SPATA17: variants seen among roughly 807,000 people sequenced by gnomAD.
SPATA17 encodes the protein spermatogenesis associated 17.
SPATA17 carries 53 observed loss-of-function variants against 62.2 expected under a neutral mutation model. The ratio of observed to expected loss-of-function variants is 0.85; its 90% CI spans 0.68 to 1.07. The LOEUF (loss-of-function observed/expected upper bound fraction) is 1.07, where lower values mean the gene tolerates loss of function less well. SPATA17 is among the 50% of genes least tolerant of loss of function. The pLI is 0.00. For missense variants in SPATA17, 466 were observed against 425.5 expected, an observed-to-expected ratio of 1.10 and a Z score of -0.84; for synonymous variants, 146 against 146.8, an observed-to-expected ratio of 0.99 and a Z score of 0.04.
intron 3 of SPATA17, among the ~76,000 whole-genome samples, chr1:217,664,939 T>C (rs1670660966): frequency 6.6e-6 from 1 of 151,652 alleles, no homozygotes; most frequent in Non-Finnish European, 1.5e-5. Context: ...TAAAAAGGAA[T>C]GGTAAGACAT....
intron 3 of SPATA17, among the ~76,000 whole-genome samples, chr1:217,654,861 T>C (rs1014725693): frequency 2.6e-5 from 4 of 152,008 alleles, no homozygotes; most frequent in Non-Finnish European, 1.5e-5. Context: ...TACAGGCACG[T>C]GCCACCACGC....
intron 5 of SPATA17, among the ~76,000 whole-genome samples, chr1:217,725,576 C>T (rs1672240721): frequency 6.6e-6 from 1 of 152,142 alleles, no homozygotes; most frequent in African/African-American, 2.4e-5. Flanking sequence ...AAGTCTGGTC[C>T]CCCAGCCTCC....
chr1:217,657,069 A>C (rs187491575), intron 3 of SPATA17, among the ~76,000 whole-genome samples: 1 of 152,112 alleles, frequency 6.6e-6, no homozygotes, highest in Non-Finnish European at 1.5e-5. Flanking sequence ...ATTGTCTAAG[A>C]TGATGTGTTT....
chr1:217,775,204 T>G (rs1300399198), intron 7 of SPATA17, among the ~76,000 whole-genome samples: 1 of 152,216 alleles, frequency 6.6e-6, no homozygotes, highest in Non-Finnish European at 1.5e-5. Flanking sequence ...AATCTTTTTA[T>G]GTGCCTATTG....
intron 5 of SPATA17, among the ~76,000 whole-genome samples, chr1:217,721,776 A>G (rs1672133215): frequency 6.6e-6 from 1 of 151,988 alleles, no homozygotes. Context: ...ACTGTTTGAT[A>G]CTCTTTACTG....
At chr1:217,780,724 TAATAAC>T (rs1170216354) in intron 7 of SPATA17, among the ~76,000 whole-genome samples, 1 of 152,158 alleles carries the variant, frequency 6.6e-6, no homozygotes, top group East Asian at 1.9e-4. Context: ...ATTATGATGG[TAATAAC>T]AATAACAATG....
chr1:217,650,222 A>C (rs1195723610), intron 2 of SPATA17, among the ~76,000 whole-genome samples: 1 of 152,070 alleles, frequency 6.6e-6, no homozygotes, highest in African/African-American at 2.4e-5. Flanking sequence ...AACAGGCATG[A>C]GCCACGGCGC....
intron 1 of SPATA17, among the ~76,000 whole-genome samples, chr1:217,635,409 T>C (rs369603617): frequency 6.6e-6 from 1 of 152,074 alleles, no homozygotes; most frequent in Non-Finnish European, 1.5e-5. Context: ...TTAGGTAGAT[T>C]TAAAAATTTT....
intron 9 of SPATA17, among the ~76,000 whole-genome samples, chr1:217,828,404 T>A (rs11117945): frequency 0.79 from 118,560 of 149,324 alleles, 47,589 homozygotes; most frequent in Admixed American, 0.83. Flanking sequence ...ATGCTATTTT[T>A]TACCATACAT....
intron 1 of SPATA17, among the ~76,000 whole-genome samples, chr1:217,633,386 A>G (rs757622351): frequency 6.9e-6 from 1 of 145,538 alleles, no homozygotes; most frequent in African/African-American, 2.4e-5. Context: ...TTATCTATTT[A>G]TTAGATAATC....
intron 8 of SPATA17, among the ~76,000 whole-genome samples, chr1:217,799,671 A>C (rs2102986740): frequency 6.6e-6 from 1 of 152,102 alleles, no homozygotes; most frequent in East Asian, 1.9e-4. Context: ...TAAATATTAA[A>C]AAGAAATTGC....
intron 8 of SPATA17, 109 bp downstream of exon 8, chr1:217,782,431 A>G: frequency 1.6e-6 from 2 of 1,267,846 alleles, no homozygotes; most frequent in Non-Finnish European, 2.1e-6. Context: ...GAGAAAAGGT[A>G]AAGCCACCCC....
Position 217,659,640 on chromosome 1 carries a change from T to G in SPATA17, c.240+8462T>G, listed in dbSNP as rs572089351. Among the ~76,000 whole-genome samples the G allele has an allele frequency of 3.5e-4, 53 of 152,110 alleles. 1 individual carries two copies. Among genetic ancestry groups the G allele is most frequent in the Admixed American group, 2.0e-3 (30 of 15,272 alleles). On this transcript the variant is annotated intron_variant, in intron 3 of 10. Coordinates refer to ENST00000366933, the MANE Select transcript of SPATA17 (RefSeq NM_138796.4). ...TCAGCTCCTGATCCATATATATCTA[T>G]ATAGATCCACATACTAAATACTAAA...
At chr1:217,799,543 C>A (rs550597810) in intron 8 of SPATA17, among the ~76,000 whole-genome samples, 1 of 151,980 alleles carries the variant, frequency 6.6e-6, no homozygotes, top group Non-Finnish European at 1.5e-5. Flanking sequence ...CAAGAGCATA[C>A]GTAATACATG....
rs74328126 is a variant in SPATA17 at position 217,682,095 on chromosome 1, C to T, written c.292-1163C>T. On this transcript the variant is annotated intron_variant, in intron 4 of 10. Coordinates refer to ENST00000366933, the MANE Select transcript of SPATA17 (RefSeq NM_138796.4). The stretch of plus-strand genomic sequence containing the variant: ...TTTTAGGAATGATGCTAAATCTTTA[C>T]GCAAGACTAAGTTAGTATTTTTCAA... 8.0e-3 allele frequency among the ~76,000 whole-genome samples: 1,210 copies of T among 152,186 alleles called. 19 individuals carry two copies. The highest frequency in any genetic ancestry group is 0.026 in the African/African-American group (1,095 of 41,510).
intron 6 of SPATA17, among the ~76,000 whole-genome samples, chr1:217,771,373 C>G (rs995367981): frequency 1.3e-5 from 2 of 151,768 alleles, no homozygotes; most frequent in Admixed American, 6.6e-5. Flanking sequence ...TACCATAGTC[C>G]CTGAGGATTA....
intron 8 of SPATA17, among the ~76,000 whole-genome samples, chr1:217,797,709 G>C (rs1339745047): frequency 1.3e-5 from 2 of 151,862 alleles, no homozygotes; most frequent in African/African-American, 4.8e-5. Flanking sequence ...TTACATTCTT[G>C]CATCAATTCT....
intron 1 of SPATA17, among the ~76,000 whole-genome samples, chr1:217,641,387 A>AT (rs1381133685): frequency 6.6e-6 from 1 of 152,062 alleles, no homozygotes; most frequent in Non-Finnish European, 1.5e-5. Context: ...AATGTAGCAA[A>AT]TTGTGACCCA....
At chr1:217,713,916 TGTG>T (rs1318948941) in intron 5 of SPATA17, among the ~76,000 whole-genome samples, 1 of 152,198 alleles carries the variant, frequency 6.6e-6, no homozygotes. Context: ...TTGGACTGCA[TGTG>T]GTGTTCAGTG....
Sources: allele counts gnomAD v4.1 joint callset (sites outside exome capture counted in the v4.1 genomes callset), GRCh38; gene constraint gnomAD v4.1.1; transcripts MANE v1.5; gene names NCBI Gene and HGNC (gene_info 2026-07-23, HGNC 2026-07-21).